Variants in MSR1 observed in about 807,000 individuals in gnomAD.
MSR1 encodes the protein macrophage scavenger receptor types I and II.
A neutral mutation model predicts 47.2 loss-of-function variants in MSR1; 53 were observed. That is an observed-to-expected ratio of 1.12 (90% confidence interval 0.90 to 1.41). The LOEUF is 1.41. Among genes scored for constraint, MSR1 ranks in the 40% most tolerant of loss-of-function variants. The pLI, the probability that MSR1 is intolerant of heterozygous loss-of-function variation, is 0.00. For synonymous variants in MSR1, 239 were observed against 185.6 expected (o/e 1.29, Z -2.34); for missense variants, 786 against 546.9 (o/e 1.44, Z -4.36).
chr8:16,163,968 T>G, intron 5 of MSR1, 97 bp downstream of exon 5: 1 of 991,922 alleles, frequency 1.0e-6, no homozygotes, highest in Admixed American at 3.0e-5. Context: ...AGAAACTATT[T>G]ATTTCAAACC....
At chr8:16,177,780 T>C in intron 2 of MSR1, 106 bp downstream of exon 2, 1 of 873,094 alleles carries the variant, frequency 1.1e-6, no homozygotes, top group South Asian at 1.4e-5. Context: ...ATAAGTATTA[T>C]TTTAACATCC....
intron 8 of MSR1, chr8:16,140,747 T>C: frequency 1.4e-6 from 2 of 1,424,716 alleles, no homozygotes; most frequent in South Asian, 1.5e-5. Context: ...GTGTCCAGGC[T>C]GGGGGTGATA....
chr8:16,164,978 T>C (rs967926443), intron 4 of MSR1, among the ~76,000 whole-genome samples: 2 of 152,124 alleles, frequency 1.3e-5, no homozygotes, highest in Non-Finnish European at 2.9e-5. Flanking sequence ...CTTTAGAGAC[T>C]GATATTTTCA....
At chr8:16,126,262 T>C (rs914264487) in intron 8 of MSR1, among the ~76,000 whole-genome samples, 2 of 152,162 alleles carry the variant, frequency 1.3e-5, no homozygotes, top group Non-Finnish European at 2.9e-5. Flanking sequence ...TGTAAGGTCT[T>C]CTTTGCATGT....
Position 16,168,885 on chromosome 8 carries a change from A to G in MSR1, c.218-15T>C. The G allele has an allele frequency of 6.2e-7, 1 of 1,609,714 alleles. No individual in the cohort carries two copies. The highest frequency in any genetic ancestry group is 8.5e-7 in the Non-Finnish European group (1 of 1,179,652). On this transcript the variant is annotated splice_polypyrimidine_tract_variant and intron_variant, in intron 3 of 9. Coordinates refer to ENST00000262101, the MANE Select transcript of MSR1 (RefSeq NM_138715.3). ...CAGGAGTTGAGCTGTATATTTAAGT[A>G]AAAATAAACCAGTCATGGCCTGATC...
At chr8:16,111,922 C>T (rs557302478) in intron 9 of MSR1, among the ~76,000 whole-genome samples, 1 of 152,228 alleles carries the variant, frequency 6.6e-6, no homozygotes, top group South Asian at 2.1e-4. Context: ...CAATGACTTA[C>T]TGCAACCTCC....
chr8:16,191,301 A>G (rs1283224198), intron 1 of MSR1, among the ~76,000 whole-genome samples: 13 of 152,196 alleles, frequency 8.5e-5, no homozygotes, highest in Admixed American at 8.5e-4. Flanking sequence ...TCAACTTTTG[A>G]ATCTGAAATC....
intron 9 of MSR1, among the ~76,000 whole-genome samples, chr8:16,119,324 C>T (rs557839453): frequency 5.3e-5 from 8 of 152,120 alleles, no homozygotes; most frequent in Non-Finnish European, 1.2e-4. Flanking sequence ...CTCCTGGGTC[C>T]AAGTAATTGT....
intron 2 of MSR1, among the ~76,000 whole-genome samples, chr8:16,177,354 G>A (rs896520345): frequency 6.6e-6 from 1 of 152,000 alleles, no homozygotes; most frequent in African/African-American, 2.4e-5. Flanking sequence ...GAAGAAGGCG[G>A]GAAAGATGAG....
chr8:16,110,887 T>C (rs1369384563), intron 9 of MSR1, among the ~76,000 whole-genome samples: 2 of 152,152 alleles, frequency 1.3e-5, no homozygotes, highest in African/African-American at 4.8e-5. Flanking sequence ...AGCTGATCAA[T>C]TGTAAGAGTG....
At chr8:16,182,397 C>G (rs1801858790) in intron 1 of MSR1, among the ~76,000 whole-genome samples, 1 of 151,972 alleles carries the variant, frequency 6.6e-6, no homozygotes, top group Non-Finnish European at 1.5e-5. Flanking sequence ...TTTATTTGTT[C>G]AATAATAAAT....
intron 9 of MSR1, among the ~76,000 whole-genome samples, chr8:16,117,740 A>G (rs1217716154): frequency 6.6e-6 from 1 of 152,102 alleles, no homozygotes; most frequent in East Asian, 1.9e-4. Context: ...TAAGCAACAC[A>G]CTTCAGGTGT....
rs575735036 is a variant in MSR1, at chr8:16,143,916, T to C, written c.980-305A>G. ...ATTTATCCTCCTTTTCTCCTCTTCC[T>C]TTGACTGGGTCTTACTCACACCCCC... On this transcript the variant is annotated intron_variant, in intron 7 of 9. Transcript: ENST00000262101. Among the ~76,000 whole-genome samples the C allele has an allele frequency of 7.2e-5, 11 of 152,214 alleles. No homozygotes were observed. The South Asian group carries it at 2.3e-3, about 32-fold the overall frequency.
chr8:16,184,229 T>C (rs1475031032), intron 1 of MSR1, among the ~76,000 whole-genome samples: 1 of 152,030 alleles, frequency 6.6e-6, no homozygotes, highest in Non-Finnish European at 1.5e-5. Flanking sequence ...TACTTTCTTT[T>C]CACATAACCT....
At chr8:16,143,679 C>T in intron 7 of MSR1, 68 bp from the exon 8 acceptor site, 1 of 1,103,868 alleles carries the variant, frequency 9.1e-7, no homozygotes, top group Admixed American at 1.7e-5. Context: ...TAACTGGAGA[C>T]AGATCATCAC....
chr8:16,190,383 CA>C (rs1802163565), intron 1 of MSR1, among the ~76,000 whole-genome samples: 1 of 152,012 alleles, frequency 6.6e-6, no homozygotes, highest in Non-Finnish European at 1.5e-5. Context: ...CAGTTTCAAG[CA>C]AAATTCACTA....
In MSR1 at chr8:16,123,825, A is replaced by G. The variant is rs555484036; in HGVS notation, c.1034-3219T>C. On this transcript the variant is annotated intron_variant, in intron 8 of 9. Coordinates refer to ENST00000262101, the MANE Select transcript of MSR1 (RefSeq NM_138715.3). ...TCATAGAACCCAAGGATAAGATTAT[A>G]GTTAGGTATCTGCAATAGCTGACCC... 7.9e-5 allele frequency among the ~76,000 whole-genome samples: 12 copies of G among 152,304 alleles called. No homozygotes were observed. The South Asian group carries it at 1.7e-3, about 21-fold the overall frequency.
chr8:16,143,784 C>G (rs999157718), intron 7 of MSR1, among the ~76,000 whole-genome samples, 173 bp from the exon 8 acceptor site: 1 of 151,976 alleles, frequency 6.6e-6, no homozygotes, highest in Non-Finnish European at 1.5e-5. Flanking sequence ...TTAGGAAGCT[C>G]CATTCTGAAC....
intron 1 of MSR1, among the ~76,000 whole-genome samples, chr8:16,187,738 CTAAAGTAGGGATTT>C (rs1802044899): frequency 1.3e-5 from 2 of 152,056 alleles, no homozygotes; most frequent in South Asian, 4.1e-4. Context: ...TTGTGGTTCA[CTAAAGTAGGGATTT>C]TAAAAATTCT....
Sources: allele counts gnomAD v4.1 joint callset (sites outside exome capture counted in the v4.1 genomes callset), GRCh38; gene constraint gnomAD v4.1.1; transcripts MANE v1.5; gene names NCBI Gene and HGNC (gene_info 2026-07-23, HGNC 2026-07-21).